SLC5A4: variants seen among roughly 807,000 people sequenced by gnomAD.
SLC5A4 encodes solute carrier family 5 member 4.
Under a neutral mutation model 70.3 loss-of-function variants are expected in SLC5A4, and 55 were observed. The ratio of observed to expected loss-of-function variants is 0.78; its 90% CI spans 0.63 to 0.98. The LOEUF (loss-of-function observed/expected upper bound fraction) is 0.98, where lower values mean the gene tolerates loss of function less well. Ranked by LOEUF, SLC5A4 falls within the 50% of genes least tolerant of loss-of-function variation. SLC5A4 has a pLI of 0.00. For missense variants in SLC5A4, 735 were observed against 839.2 expected, an observed-to-expected ratio of 0.88 and a Z score of 1.53; for synonymous variants, 268 against 305.7, an observed-to-expected ratio of 0.88 and a Z score of 1.29.
At chr22:32,246,980 C>T (rs551716582) in intron 5 of SLC5A4, among the ~76,000 whole-genome samples, 4 of 152,210 alleles carry the variant, frequency 2.6e-5, no homozygotes, top group Admixed American at 6.5e-5. Flanking sequence ...TTGTGGTTCA[C>T]GTGTCAGATA....
the SLC5A4 span, among the ~76,000 whole-genome samples, chr22:32,288,021 T>G: frequency 0.016 from 2,377 of 151,098 alleles, 56 homozygotes; most frequent in African/African-American, 0.054. Context: ...TTCTTTCTTT[T>G]TTTTTTTTTT....
the SLC5A4 span, among the ~76,000 whole-genome samples, chr22:32,302,251 T>G: frequency 9.5e-6 from 1 of 104,738 alleles, no homozygotes; most frequent in Non-Finnish European, 2.0e-5. Context: ...CTTTTGAGTG[T>G]TTTTTTTTTT....
chr22:32,312,312 C>A, the SLC5A4 span, among the ~76,000 whole-genome samples: 4 of 151,628 alleles, frequency 2.6e-5, no homozygotes, highest in African/African-American at 9.7e-5. Flanking sequence ...GGGGGGAAGC[C>A]CCAATAAAAA....
chr22:32,332,418 T>TC, the SLC5A4 span, among the ~76,000 whole-genome samples: 24,591 of 152,090 alleles, frequency 0.16, 2,624 homozygotes, highest in East Asian at 0.47. Flanking sequence ...ACTTCCCACT[T>TC]CCTCCCCTGG....
the SLC5A4 span, chr22:32,273,115 A>G: frequency 1.7e-5 from 8 of 466,080 alleles, no homozygotes; most frequent in Non-Finnish European, 3.4e-5. Context: ...TTCTAGCTCC[A>G]TGGATGTCGC....
chr22:32,309,014 C>T, the SLC5A4 span, among the ~76,000 whole-genome samples: 1 of 152,178 alleles, frequency 6.6e-6, no homozygotes, highest in Admixed American at 6.5e-5. Context: ...TTTCAGCTCA[C>T]TGCAAGCTCT....
At chr22:32,244,611 T>C (rs1926716970) in intron 5 of SLC5A4, among the ~76,000 whole-genome samples, 1 of 152,218 alleles carries the variant, frequency 6.6e-6, no homozygotes, top group African/African-American at 2.4e-5. Flanking sequence ...TAGCTCATTA[T>C]AACTTAGCTC....
the SLC5A4 span, among the ~76,000 whole-genome samples, chr22:32,337,728 C>T: frequency 1.3e-5 from 2 of 152,244 alleles, no homozygotes; most frequent in Non-Finnish European, 2.9e-5. Flanking sequence ...CACGTGCTGT[C>T]AATTTCCCGA....
At position 32,224,669 on chromosome 22, in the gene SLC5A4, A is replaced by G. The variant is rs1394312060; in HGVS notation, c.1450-187T>C. On this transcript the variant is annotated intron_variant, in intron 12 of 14. Coordinates refer to ENST00000266086, the MANE Select transcript of SLC5A4 (RefSeq NM_014227.3). ...GCTTCTTAGTTGGATGCTGCTTTCC[A>G]TGATCCTGAACTGTACATACCACTG... 2.0e-5 allele frequency among the ~76,000 whole-genome samples: 3 copies of G among 152,208 alleles called. No homozygotes were observed. The East Asian group carries it at 5.8e-4, about 29-fold the overall frequency.
intron 10 of SLC5A4, among the ~76,000 whole-genome samples, chr22:32,230,698 T>C (rs1306810396): frequency 6.6e-6 from 1 of 152,250 alleles, no homozygotes; most frequent in East Asian, 1.9e-4. Context: ...ACTCTTTTAT[T>C]GACAAATGGA....
At chr22:32,272,936 G>C in the SLC5A4 span, 2 of 534,828 alleles carry the variant, frequency 3.7e-6, no homozygotes, top group Non-Finnish European at 7.4e-6. Flanking sequence ...CGGATGCTGC[G>C]TGTGGACCTC....
the SLC5A4 span, among the ~76,000 whole-genome samples, chr22:32,292,841 ATTGT>A: frequency 9.2e-5 from 14 of 152,166 alleles, no homozygotes; most frequent in East Asian, 7.7e-4. Flanking sequence ...TTTTCATCTG[ATTGT>A]TTGACCTGTT....
chr22:32,346,127 A>AT, the SLC5A4 span, among the ~76,000 whole-genome samples: 1 of 152,202 alleles, frequency 6.6e-6, no homozygotes, highest in African/African-American at 2.4e-5. Flanking sequence ...TATTAATCTG[A>AT]AATTACATGA....
chr22:32,334,764 G>C, the SLC5A4 span, among the ~76,000 whole-genome samples: 1 of 152,218 alleles, frequency 6.6e-6, no homozygotes, highest in African/African-American at 2.4e-5. Context: ...TCCAGTAAGC[G>C]TACACACTGA....
chr22:32,334,032 C>T, the SLC5A4 span, among the ~76,000 whole-genome samples: 1 of 130,618 alleles, frequency 7.7e-6, no homozygotes, highest in Non-Finnish European at 1.6e-5. Flanking sequence ...ACACCATGCA[C>T]ACACACACAC....
chr22:32,343,718 T>C, the SLC5A4 span, among the ~76,000 whole-genome samples: 2 of 152,198 alleles, frequency 1.3e-5, no homozygotes, highest in Admixed American at 1.3e-4. Context: ...TGAACCCAAT[T>C]ATCAAGTCTG....
At chr22:32,240,431 A>G (rs1478008659) in intron 5 of SLC5A4, among the ~76,000 whole-genome samples, 1 of 126,974 alleles carries the variant, frequency 7.9e-6, no homozygotes, top group African/African-American at 3.3e-5. Flanking sequence ...GTTATTATAT[A>G]TGTGTGTATA....
the SLC5A4 span, chr22:32,327,382 C>T: frequency 1.3e-5 from 2 of 152,292 alleles, no homozygotes; most frequent in Non-Finnish European, 2.9e-5. Context: ...TGCCCCAGCA[C>T]CTGCCTTGTC....
At chr22:32,334,263 C>T in the SLC5A4 span, among the ~76,000 whole-genome samples, 3 of 152,176 alleles carry the variant, frequency 2.0e-5, no homozygotes, top group Non-Finnish European at 4.4e-5. Flanking sequence ...TCCACCTCTC[C>T]CCTGGTGCTG....
Sources: allele counts gnomAD v4.1 joint callset (sites outside exome capture counted in the v4.1 genomes callset), GRCh38; gene constraint gnomAD v4.1.1; transcripts MANE v1.5; gene names NCBI Gene and HGNC (gene_info 2026-07-23, HGNC 2026-07-21).